Variants in TASP1 observed in about 807,000 individuals in gnomAD.
The protein encoded by TASP1 is threonine aspartase 1.
In TASP1, 16 loss-of-function variants were observed where a neutral mutation model predicts 56.6. That is an observed-to-expected ratio of 0.28 (90% CI 0.19 to 0.43). The LOEUF is 0.43. Ranked by LOEUF, TASP1 falls within the 20% of genes least tolerant of loss-of-function variation. TASP1 has a pLI of 1.00. For missense variants in TASP1, 393 were observed against 511.6 expected (o/e 0.77, Z 2.24); for synonymous variants, 179 against 184.2 (o/e 0.97, Z 0.23).
At chr20:13,221,882 G>A in the TASP1 span, 4 of 1,406,906 alleles carry the variant, frequency 2.8e-6, no homozygotes, top group South Asian at 3.1e-5. Context: ...GCCCGACGCG[G>A]CCGCGGGCAA....
At chr20:13,478,360 C>CAG (rs1175375322) in intron 11 of TASP1, among the ~76,000 whole-genome samples, 3 of 147,602 alleles carry the variant, frequency 2.0e-5, no homozygotes, top group Admixed American at 1.3e-4. Flanking sequence ...CACACACACA[C>CAG]ACACACACAC....
the TASP1 span, chr20:13,154,254 C>A: frequency 7.5e-7 from 1 of 1,335,204 alleles, no homozygotes; most frequent in Non-Finnish European, 1.0e-6. Context: ...TCAGAATTCA[C>A]TCGTACGGCT....
the TASP1 span, among the ~76,000 whole-genome samples, chr20:13,105,267 G>GAAA: frequency 1.3e-5 from 2 of 149,574 alleles, no homozygotes; most frequent in African/African-American, 2.5e-5. Flanking sequence ...CCTGCAGGAG[G>GAAA]AAAAAAAAAA....
intron 12 of TASP1, among the ~76,000 whole-genome samples, chr20:13,422,881 T>C (rs983355162): frequency 4.6e-5 from 7 of 152,102 alleles, no homozygotes; most frequent in African/African-American, 1.7e-4. Context: ...ACTATGAGAG[T>C]GCTGAAATGC....
At chr20:13,251,038 T>G in the TASP1 span, among the ~76,000 whole-genome samples, 1 of 152,238 alleles carries the variant, frequency 6.6e-6, no homozygotes, top group Non-Finnish European at 1.5e-5. Context: ...TTGCTTTGTA[T>G]TTTCCATAAG....
intron 2 of TASP1, 116 bp downstream of exon 2, chr20:13,629,818 T>C (rs1263145869): frequency 1.3e-6 from 2 of 1,482,854 alleles, no homozygotes; most frequent in Middle Eastern, 1.7e-4. Flanking sequence ...TTGCTTCCAA[T>C]TCCTCTCTGG....
the TASP1 span, among the ~76,000 whole-genome samples, chr20:13,118,377 T>A: frequency 2.0e-5 from 3 of 148,724 alleles, no homozygotes; most frequent in Non-Finnish European, 1.5e-5. Context: ...AAAATTCTGA[T>A]CTGCTGGGAT....
the TASP1 span, among the ~76,000 whole-genome samples, chr20:13,269,466 C>T: frequency 6.6e-6 from 1 of 152,212 alleles, no homozygotes; most frequent in Non-Finnish European, 1.5e-5. Context: ...TTTTCTTTGG[C>T]TATTCCTGTC....
intron 11 of TASP1, among the ~76,000 whole-genome samples, chr20:13,439,412 A>C (rs556651690): frequency 7.9e-4 from 121 of 152,344 alleles, no homozygotes; most frequent in African/African-American, 2.8e-3. Context: ...AAGGACAAAA[A>C]ACCAAACACC....
chr20:13,405,123 G>A (rs377479618), intron 13 of TASP1, among the ~76,000 whole-genome samples: 112 of 152,124 alleles, frequency 7.4e-4, no homozygotes, highest in East Asian at 1.9e-3. Context: ...CAGCAACTTC[G>A]CCTGAAAAAT....
chr20:13,438,157 T>A (rs1263765027), intron 11 of TASP1, among the ~76,000 whole-genome samples: 1 of 152,120 alleles, frequency 6.6e-6, no homozygotes, highest in Non-Finnish European at 1.5e-5. Flanking sequence ...AAAACTACTT[T>A]AAAGTTCATA....
chr20:13,166,425 T>G, the TASP1 span: 1 of 152,154 alleles, frequency 6.6e-6, no homozygotes, highest in East Asian at 1.9e-4. Flanking sequence ...AATGATAGAG[T>G]TCTTCATGAA....
At chr20:13,495,153 T>C (rs1428054748) in intron 10 of TASP1, among the ~76,000 whole-genome samples, 1 of 152,156 alleles carries the variant, frequency 6.6e-6, no homozygotes, top group African/African-American at 2.4e-5. Flanking sequence ...ATTTAATTAA[T>C]AATTTTCTTA....
At chr20:13,323,321 A>G in the TASP1 span, among the ~76,000 whole-genome samples, 1 of 152,200 alleles carries the variant, frequency 6.6e-6, no homozygotes, top group Non-Finnish European at 1.5e-5. Context: ...ACTTACTGGA[A>G]ACACAATGAC....
At chr20:13,129,362 A>G in the TASP1 span, among the ~76,000 whole-genome samples, 4 of 152,164 alleles carry the variant, frequency 2.6e-5, no homozygotes, top group Non-Finnish European at 5.9e-5. Flanking sequence ...CTTTTCCTCC[A>G]CAAGCTTTCT....
At position 13,390,328 on chromosome 20, in the gene TASP1, CCT is replaced by C. The variant is rs2123553484; in HGVS notation, c.*30_*31del. ...CCCCAAAAGCTCAGGTTCTGAAATG[CCT>C]CTGAGACGCTTCACACTCAGCCTGA... On this transcript the variant is annotated 3_prime_UTR_variant, in exon 14 of 14. Transcript: ENST00000337743. The C allele has an allele frequency of 6.3e-7, 1 of 1,595,406 alleles. No individual in the cohort carries two copies. Among genetic ancestry groups the C allele is most frequent in the Non-Finnish European group, 8.6e-7 (1 of 1,164,566 alleles).
At chr20:13,448,821 A>G (rs2043510768) in intron 11 of TASP1, among the ~76,000 whole-genome samples, 1 of 152,014 alleles carries the variant, frequency 6.6e-6, no homozygotes, top group Non-Finnish European at 1.5e-5. Context: ...CAAGAAAATA[A>G]TTCTCAGCAA....
chr20:13,389,030 TA>T (rs902453704), downstream of TASP1, among the ~76,000 whole-genome samples: 29 of 147,368 alleles, frequency 2.0e-4, no homozygotes, highest in African/African-American at 5.5e-4. Context: ...ACTTCTTACA[TA>T]AAAAAAAAAG....
At chr20:13,190,187 G>C in the TASP1 span, among the ~76,000 whole-genome samples, 2 of 152,082 alleles carry the variant, frequency 1.3e-5, no homozygotes, top group East Asian at 3.9e-4. Context: ...ACTACTTATT[G>C]GGTCCTATGG....
Sources: allele counts gnomAD v4.1 joint callset (sites outside exome capture counted in the v4.1 genomes callset), GRCh38; gene constraint gnomAD v4.1.1; transcripts MANE v1.5; gene names NCBI Gene and HGNC (gene_info 2026-07-23, HGNC 2026-07-21).